The following NR3C2 variants were observed in gnomAD, a reference collection of about 807,000 sequenced individuals.
The protein encoded by NR3C2 is nuclear receptor subfamily 3 group C member 2, also known as mineralocorticoid receptor.
In NR3C2, 15 loss-of-function variants were observed where a neutral mutation model predicts 86.4. That is an observed-to-expected ratio of 0.17 (90% CI 0.12 to 0.27). The LOEUF is 0.27. Among genes scored for constraint, NR3C2 ranks in the 10% least tolerant of loss-of-function variants. The pLI, the probability that NR3C2 is intolerant of heterozygous loss-of-function variation, is 1.00. For missense variants in NR3C2, 960 were observed against 1,195.6 expected (o/e 0.80, Z 2.91); for synonymous variants, 458 against 450.5 (o/e 1.02, Z -0.21).
chr4:148,344,415 T>C (rs1039004081), intron 2 of NR3C2, among the ~76,000 whole-genome samples: 2 of 152,036 alleles, frequency 1.3e-5, no homozygotes, highest in Admixed American at 6.6e-5. Flanking sequence ...AGGAATGGAG[T>C]TCAAACTCCA....
intron 1 of NR3C2, 48 bp from the exon 2 acceptor site, chr4:148,436,910 T>C (rs1257153879): frequency 1.4e-6 from 2 of 1,429,570 alleles, no homozygotes; most frequent in African/African-American, 2.8e-5. Context: ...TATAGCAATA[T>C]TACTCTAAAA....
chr4:148,393,870 G>T (rs561216075), intron 2 of NR3C2, among the ~76,000 whole-genome samples: 46 of 152,272 alleles, frequency 3.0e-4, no homozygotes, highest in African/African-American at 1.1e-3. Flanking sequence ...CATGGCCATA[G>T]AATTTTCAGC....
chr4:148,082,418 G>A (rs1730607286), intron 8 of NR3C2, among the ~76,000 whole-genome samples: 1 of 152,180 alleles, frequency 6.6e-6, no homozygotes, highest in Non-Finnish European at 1.5e-5. Flanking sequence ...CAGAGGGTGA[G>A]CTGAAGCAGG....
chr4:148,194,537 AG>A lies in NR3C2; in HGVS notation c.2014+208del, dbSNP rs576851760. On this transcript the variant is annotated intron_variant, in intron 4 of 8. Transcript: ENST00000358102. Reference sequence around the variant, plus strand: ...CAAACTCAGGCTCGAAAAATTCACTAGAACTATAGCCATAAAACATACCTCT... The same window carrying A: ...CAAACTCAGGCTCGAAAAATTCACTAAACTATAGCCATAAAACATACCTCT... Among the ~76,000 whole-genome samples, 28 of 152,324 alleles carry A rather than the reference AG, an allele frequency of 1.8e-4. No individual in the cohort carries two copies. In the South Asian group the frequency reaches 5.8e-3, roughly 32 times the overall value.
In NR3C2 at chr4:148,268,082, G is replaced by C. The variant is rs532824234; in HGVS notation, c.1758-7965C>G. Reference sequence around the variant, plus strand: ...GTCTCCTGAGTAGCTGGGATTACAGGCACCCACCACCAAGCCTGGCTAATT... The same window carrying C: ...GTCTCCTGAGTAGCTGGGATTACAGCCACCCACCACCAAGCCTGGCTAATT... On this transcript the variant is annotated intron_variant, in intron 2 of 8. Transcript: ENST00000358102. Among the ~76,000 whole-genome samples, 7 of 151,980 alleles carry C rather than the reference G, an allele frequency of 4.6e-5. No individual in the cohort carries two copies. In the South Asian group the frequency reaches 1.5e-3, roughly 32 times the overall value.
chr4:148,081,237 CAA>C lies in NR3C2; in HGVS notation c.*105_*106del, dbSNP rs1730539049. ...ACTTTAAACTTGAGAAACTGTTGAA[CAA>C]GTGTGAATCAACCATCACATGTTAA... On this transcript the variant is annotated 3_prime_UTR_variant, in exon 9 of 9. Coordinates refer to ENST00000358102, the MANE Select transcript of NR3C2 (RefSeq NM_000901.5). 291 of 1,424,500 alleles carry C rather than the reference CAA, an allele frequency of 2.0e-4. 4 individuals carry two copies. The South Asian group carries it at 3.4e-3, about 16-fold the overall frequency. 88.2% of individuals were successfully genotyped at this position (1,424,500 alleles called of 1,614,324 possible). A position where few individuals can be genotyped will look rare whatever the true frequency, so the allele number is the denominator to read the frequency against.
intron 3 of NR3C2, among the ~76,000 whole-genome samples, chr4:148,249,732 T>C (rs527359811): frequency 6.6e-6 from 1 of 152,290 alleles, no homozygotes; most frequent in South Asian, 2.1e-4. Context: ...GGTATAAGAA[T>C]TCACTGTTAA....
At chr4:148,193,053 T>C (rs1363515464) in intron 4 of NR3C2, among the ~76,000 whole-genome samples, 1 of 152,214 alleles carries the variant, frequency 6.6e-6, no homozygotes, top group Non-Finnish European at 1.5e-5. Flanking sequence ...CTTCTCCTTG[T>C]GGAGTTTTAC....
At chr4:148,251,336 G>A (rs986620322) in intron 3 of NR3C2, among the ~76,000 whole-genome samples, 1 of 152,068 alleles carries the variant, frequency 6.6e-6, no homozygotes, top group African/African-American at 2.4e-5. Context: ...TTCCCATCCT[G>A]CCAAGGCTCA....
At position 148,436,678 on chromosome 4, in the gene NR3C2, T is replaced by C; in HGVS notation, c.183A>G (p.Gln61=). 6.2e-7 allele frequency: 1 copy of C among 1,614,236 alleles called. No individual in the cohort carries two copies. The highest frequency in any genetic ancestry group is 8.5e-7 in the Non-Finnish European group (1 of 1,180,042). ...VSGAIPNNST[Q]GSSKEKQELL... ...GTTCTTGTTTTTCTTTGCTGCTTCCTTGAGTACTGTTGTTTGGAATAGCAC... is the reference window on the plus strand; with the variant it reads ...GTTCTTGTTTTTCTTTGCTGCTTCCCTGAGTACTGTTGTTTGGAATAGCAC... The change falls in exon 2 of 9, where the codon CAA becomes CAG. Residue 61 remains glutamine (Q), a synonymous_variant. Transcript: ENST00000358102.
intron 4 of NR3C2, among the ~76,000 whole-genome samples, chr4:148,162,830 G>A (rs1278602175): frequency 6.6e-6 from 1 of 152,190 alleles, no homozygotes; most frequent in Non-Finnish European, 1.5e-5. Flanking sequence ...CTTGGGCCCT[G>A]TCACTGTTGT....
chr4:148,142,115 A>G (rs955626135), intron 6 of NR3C2, among the ~76,000 whole-genome samples: 2 of 152,236 alleles, frequency 1.3e-5, no homozygotes, highest in Non-Finnish European at 2.9e-5. Flanking sequence ...GCTGGTGTGG[A>G]GTATATGCGG....
At chr4:148,389,089 C>G (rs968124729) in intron 2 of NR3C2, among the ~76,000 whole-genome samples, 2 of 152,176 alleles carry the variant, frequency 1.3e-5, no homozygotes, top group African/African-American at 4.8e-5. Context: ...TCTTTCATCT[C>G]AAATTTCCAC....
At chr4:148,092,237 GAC>G (rs1409434959) in intron 8 of NR3C2, among the ~76,000 whole-genome samples, 2 of 152,214 alleles carry the variant, frequency 1.3e-5, no homozygotes, top group Non-Finnish European at 2.9e-5. Context: ...CCTCGCAGAT[GAC>G]ACTTTTTTGT....
At chr4:148,255,528 T>C (rs1247565502) in intron 3 of NR3C2, among the ~76,000 whole-genome samples, 1 of 152,238 alleles carries the variant, frequency 6.6e-6, no homozygotes. Context: ...CATCATACAA[T>C]TTGGCTGACC....
chr4:148,328,963 T>A (rs1034548063), intron 2 of NR3C2, among the ~76,000 whole-genome samples: 1 of 152,166 alleles, frequency 6.6e-6, no homozygotes, highest in African/African-American at 2.4e-5. Flanking sequence ...CATTATTTTC[T>A]CCCCTTTCAT....
intron 3 of NR3C2, among the ~76,000 whole-genome samples, chr4:148,218,710 T>C (rs926349561): frequency 6.6e-6 from 1 of 152,164 alleles, no homozygotes; most frequent in African/African-American, 2.4e-5. Context: ...ACTAATCTAG[T>C]TTCTGTCTCT....
chr4:148,093,633 C>G (rs931947769), intron 8 of NR3C2, among the ~76,000 whole-genome samples: 3 of 152,124 alleles, frequency 2.0e-5, no homozygotes, highest in Admixed American at 1.3e-4. Flanking sequence ...TACATCAACT[C>G]AACTATAAAT....
At chr4:148,440,062 C>T (rs1750261888) in intron 1 of NR3C2, among the ~76,000 whole-genome samples, 1 of 152,228 alleles carries the variant, frequency 6.6e-6, no homozygotes, top group African/African-American at 2.4e-5. Flanking sequence ...ATCTAAATTA[C>T]TTTGTTTAAG....
Sources: gnomAD v4.1 joint callset for allele counts (sites outside exome capture counted in the v4.1 genomes callset) on GRCh38, gnomAD v4.1.1 for gene constraint, MANE v1.5 for transcripts, NCBI Gene and HGNC (gene_info 2026-07-23, HGNC 2026-07-21) for gene names.